Variants in CNTN5 observed in about 807,000 individuals in gnomAD.
CNTN5 encodes contactin-5.
In CNTN5, 77 loss-of-function variants were observed where a neutral mutation model predicts 129.1. The ratio of observed to expected loss-of-function variants is 0.60; its 90% confidence interval spans 0.50 to 0.72. The LOEUF (loss-of-function observed/expected upper bound fraction) is 0.72. Among genes scored for constraint, CNTN5 ranks in the 30% least tolerant of loss-of-function variants. The probability of loss-of-function intolerance (pLI) is 0.00; values close to 1 mark genes in which losing one functional copy is unlikely to be tolerated. For missense variants in CNTN5, 1,478 were observed against 1,328.8 expected (o/e 1.11, Z -1.75); for synonymous variants, 509 against 465.6 (o/e 1.09, Z -1.20).
intron 13 of CNTN5, among the ~76,000 whole-genome samples, chr11:100,155,666 T>G (rs146655571): frequency 0.095 from 14,524 of 152,182 alleles, 872 homozygotes; most frequent in Non-Finnish European, 0.13. Context: ...GGAATGTTTT[T>G]CCATTTGTTT....
intron 12 of CNTN5, among the ~76,000 whole-genome samples, chr11:100,072,755 C>G (rs1357344046): frequency 6.6e-6 from 1 of 152,020 alleles, no homozygotes; most frequent in Non-Finnish European, 1.5e-5. Context: ...GTTGAAATTT[C>G]TCCACATTAC....
At chr11:99,084,157 C>T (rs1865910148) in intron 1 of CNTN5, among the ~76,000 whole-genome samples, 1 of 152,166 alleles carries the variant, frequency 6.6e-6, no homozygotes, top group African/African-American at 2.4e-5. Flanking sequence ...CCCATATATG[C>T]TTGTGTCATT....
At chr11:99,611,372 A>G (rs1340527715) in intron 3 of CNTN5, among the ~76,000 whole-genome samples, 3 of 152,190 alleles carry the variant, frequency 2.0e-5, no homozygotes, top group Admixed American at 2.0e-4. Context: ...CATCTGAGTA[A>G]AATATATACA....
chr11:99,784,706 CCAATTT>C (rs1479375724), intron 3 of CNTN5, among the ~76,000 whole-genome samples: 1 of 151,848 alleles, frequency 6.6e-6, no homozygotes, highest in Admixed American at 6.6e-5. Flanking sequence ...TAAAAGCATT[CCAATTT>C]CTCCACATCC....
At chr11:99,964,576 AT>A (rs1274660211) in intron 8 of CNTN5, among the ~76,000 whole-genome samples, 3 of 151,926 alleles carry the variant, frequency 2.0e-5, no homozygotes, top group African/African-American at 7.3e-5. Flanking sequence ...TTTATTGAGG[AT>A]TTTTGCATCA....
chr11:99,233,812 G>T (rs1367474303), intron 1 of CNTN5, among the ~76,000 whole-genome samples: 1 of 152,108 alleles, frequency 6.6e-6, no homozygotes, highest in Non-Finnish European at 1.5e-5. Flanking sequence ...CGGGCATGGT[G>T]GCAGGCACCT....
At chr11:99,165,888 C>CTTA (rs1280161342) in intron 1 of CNTN5, among the ~76,000 whole-genome samples, 2 of 152,150 alleles carry the variant, frequency 1.3e-5, no homozygotes, top group Non-Finnish European at 2.9e-5. Flanking sequence ...CCAAGATTGA[C>CTTA]TTAGACCCGT....
intron 4 of CNTN5, among the ~76,000 whole-genome samples, chr11:99,832,787 T>G (rs2135621326): frequency 6.6e-6 from 1 of 152,320 alleles, no homozygotes; most frequent in African/African-American, 2.4e-5. Flanking sequence ...CTTAAAATTT[T>G]ATTGGGCATG....
intron 3 of CNTN5, among the ~76,000 whole-genome samples, chr11:99,609,953 T>A (rs1302895983): frequency 2.6e-5 from 4 of 152,144 alleles, no homozygotes; most frequent in African/African-American, 9.7e-5. Context: ...AGGCACTATG[T>A]ATAGTGATTC....
At chr11:100,210,371 C>T (rs1183472182) in intron 15 of CNTN5, among the ~76,000 whole-genome samples, 2 of 148,710 alleles carry the variant, frequency 1.3e-5, no homozygotes. Context: ...AAAAAAAGTC[C>T]AGATTTATAT....
intron 13 of CNTN5, among the ~76,000 whole-genome samples, chr11:100,077,187 GAAACAGAGGTGTTAGAAAACTGTT>G (rs1209437633): frequency 2.0e-5 from 3 of 152,076 alleles, no homozygotes; most frequent in Non-Finnish European, 4.4e-5. Context: ...AATTTAAATG[GAAACAGAGGTGTTAGAAAACTGTT>G]AAGACTTCAA....
intron 7 of CNTN5, among the ~76,000 whole-genome samples, chr11:99,916,745 T>A (rs1294370516): frequency 6.6e-6 from 1 of 151,988 alleles, no homozygotes; most frequent in Non-Finnish European, 1.5e-5. Flanking sequence ...TTTTGCAAGC[T>A]TACACCTAAT....
chr11:100,011,509 A>G (rs1231450204), intron 9 of CNTN5, among the ~76,000 whole-genome samples: 1 of 152,122 alleles, frequency 6.6e-6, no homozygotes, highest in East Asian at 1.9e-4. Flanking sequence ...ACACAATCAG[A>G]TCTGCTCTGC....
intron 1 of CNTN5, among the ~76,000 whole-genome samples, chr11:99,144,688 G>C (rs915600339): frequency 2.0e-5 from 3 of 151,156 alleles, no homozygotes; most frequent in African/African-American, 7.3e-5. Context: ...TGTTTCTTCT[G>C]ATTAATATAC....
intron 3 of CNTN5, among the ~76,000 whole-genome samples, chr11:99,693,251 G>A (rs555947898): frequency 2.0e-5 from 3 of 152,014 alleles, no homozygotes; most frequent in South Asian, 4.1e-4. Flanking sequence ...GCTCATTTTT[G>A]GCATCAGAGA....
intron 2 of CNTN5, among the ~76,000 whole-genome samples, chr11:99,486,827 T>C (rs1591146329): frequency 1.3e-5 from 2 of 152,260 alleles, no homozygotes; most frequent in Non-Finnish European, 2.9e-5. Flanking sequence ...GGGAAAGGAA[T>C]GATGACATAG....
At chr11:99,051,286 G>A (rs1293265632) in intron 1 of CNTN5, among the ~76,000 whole-genome samples, 1 of 151,732 alleles carries the variant, frequency 6.6e-6, no homozygotes. Flanking sequence ...CAATGTAATG[G>A]CATCAGTTTA....
intron 3 of CNTN5, among the ~76,000 whole-genome samples, chr11:99,731,264 T>C (rs903474880): frequency 2.9e-5 from 4 of 140,026 alleles, no homozygotes; most frequent in South Asian, 2.3e-4. Context: ...CCCGCCACCA[T>C]GCCTGGCTAA....
intron 2 of CNTN5, among the ~76,000 whole-genome samples, chr11:99,530,918 A>C (rs1194363070): frequency 6.6e-6 from 1 of 152,220 alleles, no homozygotes; most frequent in Non-Finnish European, 1.5e-5. Context: ...TGTCTTTATC[A>C]GCAGCATGAA....
Sources: gnomAD v4.1 joint callset for allele counts (sites outside exome capture counted in the v4.1 genomes callset) on GRCh38, gnomAD v4.1.1 for gene constraint, MANE v1.5 for transcripts, NCBI Gene and HGNC (gene_info 2026-07-23, HGNC 2026-07-21) for gene names.